Variants in CUBN observed in about 807,000 individuals in gnomAD.
CUBN encodes the protein 460 kDa receptor.
CUBN carries 282 observed loss-of-function variants against 405.3 expected under a neutral mutation model. That is an observed-to-expected ratio of 0.70 (90% CI 0.63 to 0.77). CUBN has a LOEUF of 0.77. Among genes scored for constraint, CUBN ranks in the 30% least tolerant of loss-of-function variants. CUBN has a pLI of 0.00. For missense variants in CUBN, 4,514 were observed against 4,475.2 expected (o/e 1.01, Z -0.25); for synonymous variants, 1,684 against 1,617.0 (o/e 1.04, Z -0.99).
chr10:16,982,746 G>T, intron 30 of CUBN, 93 bp from the exon 31 acceptor site: 1 of 1,154,396 alleles, frequency 8.7e-7, no homozygotes, highest in Non-Finnish European at 1.3e-6. Flanking sequence ...ACATTACTTT[G>T]CTTGAATCAG....
At chr10:17,031,032 G>A (rs574150390) in intron 27 of CUBN, among the ~76,000 whole-genome samples, 5 of 152,216 alleles carry the variant, frequency 3.3e-5, no homozygotes, top group Admixed American at 2.0e-4. Context: ...GGGACAATAC[G>A]AACACTCCTG....
intron 59 of CUBN, among the ~76,000 whole-genome samples, chr10:16,854,134 T>C (rs1185092072): frequency 6.6e-6 from 1 of 152,126 alleles, no homozygotes; most frequent in African/African-American, 2.4e-5. Context: ...TGGATCTGGG[T>C]CTTGAAGCAT....
At chr10:16,838,014 C>A (rs567995940) in intron 62 of CUBN, among the ~76,000 whole-genome samples, 1 of 152,168 alleles carries the variant, frequency 6.6e-6, no homozygotes. Context: ...CCCAAAGGGC[C>A]TGTTCCACTT....
At chr10:17,117,352 A>G (rs541997237) in intron 6 of CUBN, among the ~76,000 whole-genome samples, 17 of 152,156 alleles carry the variant, frequency 1.1e-4, no homozygotes, top group Non-Finnish European at 2.2e-4. Context: ...ACCTCCCAAC[A>G]ATGTTTAAGA....
chr10:17,053,075 CA>C (rs202060264), intron 22 of CUBN, among the ~76,000 whole-genome samples: 26 of 141,652 alleles, frequency 1.8e-4, no homozygotes, highest in East Asian at 1.4e-3. Flanking sequence ...TGTAAAAATA[CA>C]AAAAAAAAGG....
chr10:16,948,556 C>A lies in CUBN; in HGVS notation c.5131G>T (p.Ala1711Ser), dbSNP rs768182223. The A allele has an allele frequency of 1.9e-6, 3 of 1,614,042 alleles. No homozygotes were observed. The highest frequency in any genetic ancestry group is 1.1e-5 in the South Asian group (1 of 91,076). The change falls in exon 35 of 67, where the codon GCC becomes TCC. Residue 1711 changes from alanine to serine, a missense_variant. Coordinates refer to ENST00000377833, the MANE Select transcript of CUBN (RefSeq NM_001081.4). ...MPHPITSFSSALTLRFVSDSS... is the reference protein window; with the variant it reads ...MPHPITSFSSSLTLRFVSDSS... Reference sequence around the variant, plus strand: ...TCAGAGACGAATCTCAGCGTCAGGGCGCTGCTGAAGGATGTGATAGGATGG... The same window carrying A: ...TCAGAGACGAATCTCAGCGTCAGGGAGCTGCTGAAGGATGTGATAGGATGG...
intron 36 of CUBN, among the ~76,000 whole-genome samples, chr10:16,943,197 A>G (rs1842704360): frequency 6.6e-6 from 1 of 152,176 alleles, no homozygotes; most frequent in East Asian, 1.9e-4. Context: ...CAAGCCAGAT[A>G]CTAGCATTGG....
At chr10:16,993,556 C>A (rs1254669141) in intron 28 of CUBN, among the ~76,000 whole-genome samples, 1 of 151,998 alleles carries the variant, frequency 6.6e-6, no homozygotes, top group Non-Finnish European at 1.5e-5. Flanking sequence ...GTATTTAAAG[C>A]AAATAATCCA....
chr10:17,098,287 T>C (rs1174916079), intron 14 of CUBN, among the ~76,000 whole-genome samples: 2 of 152,176 alleles, frequency 1.3e-5, no homozygotes, highest in African/African-American at 4.8e-5. Context: ...AGATTTCAAG[T>C]AGCAACTGTC....
chr10:16,831,627 C>T (rs1838998330), intron 64 of CUBN, among the ~76,000 whole-genome samples: 3 of 141,426 alleles, frequency 2.1e-5, no homozygotes, highest in Middle Eastern at 3.8e-3. Flanking sequence ...AAAACATTTG[C>T]ATTTGGATTC....
At chr10:17,020,012 A>G (rs1834448186) in intron 27 of CUBN, 29 bp from the exon 28 acceptor site, 1 of 1,613,398 alleles carries the variant, frequency 6.2e-7, no homozygotes, top group Non-Finnish European at 8.5e-7. Context: ...TTTCCCATAT[A>G]AAAACACATG....
At chr10:16,907,479 T>TG (rs748558840) in intron 49 of CUBN, 29 bp downstream of exon 49, 13 of 1,613,032 alleles carry the variant, frequency 8.1e-6, no homozygotes, top group Admixed American at 6.7e-5. Context: ...CTGATTAAAA[T>TG]GGGGGGCATT....
intron 39 of CUBN, among the ~76,000 whole-genome samples, chr10:16,934,506 G>C (rs1223994001): frequency 6.6e-6 from 1 of 152,180 alleles, no homozygotes; most frequent in Non-Finnish European, 1.5e-5. Flanking sequence ...TCTGAATGCT[G>C]AATGTTATCC....
At position 16,920,137 on chromosome 10, in the gene CUBN, G is replaced by C. The variant is rs1375456234; in HGVS notation, c.6647C>G (p.Ala2216Gly). 1 of 1,613,842 alleles carries C rather than the reference G, an allele frequency of 6.2e-7. No homozygotes were observed. The highest frequency in any genetic ancestry group is 2.2e-5 in the East Asian group (1 of 44,876). ...ATGGATGTAGACGTTGCCCCCACAG[G>C]CTGTGAGCAAACACACTTAAATCAG... ...FKIKYEAKSLACGGNVYIHDA... is the reference protein window; with the variant it reads ...FKIKYEAKSLGCGGNVYIHDA... The change falls in exon 44 of 67, where the codon GCC (alanine) becomes GGC (glycine). Residue 2216 changes from alanine (A) to glycine (G), a missense_variant and splice_region_variant. Physicochemically the swap from Ala to Gly is moderately conservative, Grantham distance 60. Coordinates refer to ENST00000377833, the MANE Select transcript of CUBN (RefSeq NM_001081.4).
rs1463229530 is a variant in CUBN at position 17,064,264 on chromosome 10, T to C, written c.3139+1244A>G. 2.0e-5 allele frequency among the ~76,000 whole-genome samples: 3 copies of C among 152,224 alleles called. No individual in the cohort carries two copies. In the South Asian group the frequency reaches 6.2e-4, roughly 31 times the overall value. On this transcript the variant is annotated intron_variant, in intron 22 of 66. Transcript: ENST00000377833. Reference sequence around the variant, plus strand: ...AAGCCATGCTTTTGAACATAGAACTTGAACTGCTGCAGAGTTTTGCCTGAA... The same window carrying C: ...AAGCCATGCTTTTGAACATAGAACTCGAACTGCTGCAGAGTTTTGCCTGAA...
At chr10:16,852,072 CCAT>C (rs1267802186) in intron 59 of CUBN, among the ~76,000 whole-genome samples, 2 of 106,076 alleles carry the variant, frequency 1.9e-5, no homozygotes, top group African/African-American at 3.8e-5. Context: ...TTCCCTCCCT[CCAT>C]CATCTTTCCC....
At chr10:16,955,776 G>A (rs1009390422) in intron 31 of CUBN, among the ~76,000 whole-genome samples, 4 of 152,148 alleles carry the variant, frequency 2.6e-5, no homozygotes, top group Non-Finnish European at 5.9e-5. Context: ...GAGGCACAGA[G>A]AGCCTAAGTA....
chr10:17,066,605 G>A (rs905284443), intron 21 of CUBN, among the ~76,000 whole-genome samples: 12 of 152,138 alleles, frequency 7.9e-5, no homozygotes, highest in African/African-American at 2.9e-4. Flanking sequence ...CTTCGTATAT[G>A]CCCATGTATA....
At chr10:16,945,191 C>T (rs1842741619) in intron 36 of CUBN, among the ~76,000 whole-genome samples, 1 of 149,992 alleles carries the variant, frequency 6.7e-6, no homozygotes, top group African/African-American at 2.4e-5. Context: ...TAGAGACAAA[C>T]AGGAAAAGAC....
Sources: allele counts gnomAD v4.1 joint callset (sites outside exome capture counted in the v4.1 genomes callset), GRCh38; gene constraint gnomAD v4.1.1; transcripts MANE v1.5; gene names NCBI Gene and HGNC (gene_info 2026-07-23, HGNC 2026-07-21).